Variants in MFNG observed in about 807,000 individuals in gnomAD.
The protein encoded by MFNG is beta-1,3-N-acetylglucosaminyltransferase manic fringe.
In MFNG, 24 loss-of-function variants were observed where a neutral mutation model predicts 34.2. The ratio of observed to expected loss-of-function variants is 0.70; its 90% CI spans 0.51 to 0.99. The LOEUF is 0.99. MFNG is among the 50% of genes least tolerant of loss of function. MFNG has a pLI of 0.00. For missense variants in MFNG, 383 were observed against 424.0 expected (o/e 0.90, Z 0.85); for synonymous variants, 158 against 179.2 (o/e 0.88, Z 0.94).
chr22:37,473,879 C>A (rs979816736), intron 6 of MFNG, among the ~76,000 whole-genome samples: 1 of 152,212 alleles, frequency 6.6e-6, no homozygotes, highest in African/African-American at 2.4e-5. Context: ...GGCAGGAGAT[C>A]CCGGGGACGC....
chr22:37,479,590 TG>T (rs1922199149), intron 3 of MFNG, 92 bp from the exon 4 acceptor site: 1 of 1,515,624 alleles, frequency 6.6e-7, no homozygotes. Flanking sequence ...AGTGACGGAA[TG>T]GGGGTAGGGG....
chr22:37,475,964 G>A (rs1165789689), intron 5 of MFNG, among the ~76,000 whole-genome samples: 1 of 152,194 alleles, frequency 6.6e-6, no homozygotes, highest in Non-Finnish European at 1.5e-5. Flanking sequence ...GCAGGCTTGG[G>A]TAGTAGCAAG....
intron 1 of MFNG, among the ~76,000 whole-genome samples, chr22:37,484,997 G>A (rs1922476924): frequency 6.6e-6 from 1 of 151,170 alleles, no homozygotes; most frequent in Non-Finnish European, 1.5e-5. Context: ...GTGTGTGTGT[G>A]TACCCATTCT....
chr22:37,485,614 AGCG>A lies in MFNG; in HGVS notation c.255+306_255+308del, dbSNP rs1257425826. 6.6e-6 allele frequency among the ~76,000 whole-genome samples: 1 copy of A among 152,060 alleles called. No homozygotes were observed. The highest frequency in any genetic ancestry group is 2.4e-5 in the African/African-American group (1 of 41,400). On this transcript the variant is annotated intron_variant, in intron 1 of 7. Coordinates refer to ENST00000356998, the MANE Select transcript of MFNG (RefSeq NM_002405.4). The surrounding 1 kb of genome is among the most constrained non-coding windows in gnomAD (Gnocchi z 5.3). Reference sequence around the variant, plus strand: ...TGGCTAGGAGCGAAGCCCCCACGGGAGCGGCTAGGAATAGAAGAACCCCCAGGA... The same window carrying A: ...TGGCTAGGAGCGAAGCCCCCACGGGAGCTAGGAATAGAAGAACCCCCAGGA...
chr22:37,481,670 C>A (rs562093909), intron 1 of MFNG, among the ~76,000 whole-genome samples: 1 of 152,338 alleles, frequency 6.6e-6, no homozygotes, highest in Admixed American at 6.5e-5. Flanking sequence ...GTCCTCTCAC[C>A]CATTGAGCAT....
At chr22:37,475,666 G>C (rs1922004440) in intron 5 of MFNG, among the ~76,000 whole-genome samples, 1 of 152,026 alleles carries the variant, frequency 6.6e-6, no homozygotes, top group Non-Finnish European at 1.5e-5. Context: ...TGGAAATCCA[G>C]CCTGTACTCC....
chr22:37,482,755 G>A lies in MFNG; in HGVS notation c.256-1986C>T, dbSNP rs981770924. On this transcript the variant is annotated intron_variant, in intron 1 of 7. Coordinates refer to ENST00000356998, the MANE Select transcript of MFNG (RefSeq NM_002405.4). This position sits in a 1 kb window ranked among gnomAD's most constrained non-coding sequence, Gnocchi z 4.1. ...TGGGTCCAATTTGTCTCCTTGCTCC[G>A]GCACCTGGCTCTCCTCAGGAAGGCC... Among the ~76,000 whole-genome samples the A allele has an allele frequency of 1.7e-4, 26 of 152,088 alleles. 1 individual carries two copies. The highest frequency in any genetic ancestry group is 6.8e-3 in the Middle Eastern group (2 of 294).
At chr22:37,480,172 T>G (rs1171303915) in intron 3 of MFNG, 25 bp downstream of exon 3, 2 of 1,577,160 alleles carry the variant, frequency 1.3e-6, no homozygotes, top group East Asian at 4.5e-5. Context: ...ACCACACTTA[T>G]CCCCAGAGAC....
chr22:37,474,794 T>C, intron 5 of MFNG, 117 bp from the exon 6 acceptor site: 1 of 1,134,270 alleles, frequency 8.8e-7, no homozygotes, highest in Non-Finnish European at 1.2e-6. Context: ...ACCTGCCTCC[T>C]GCATACTGTA....
At position 37,480,296 on chromosome 22, in the gene MFNG, G is replaced by A; in HGVS notation, c.308C>T (p.Ser103Phe). 1 of 1,613,380 alleles carries A rather than the reference G, an allele frequency of 6.2e-7. No individual in the cohort carries two copies. Among genetic ancestry groups the A allele is most frequent in the Non-Finnish European group, 8.5e-7 (1 of 1,179,380 alleles). Residue 103 changes from serine (S) to phenylalanine (F), a missense_variant, in exon 3 of 8, where the codon TCC becomes TTC. Transcript: ENST00000356998. ...GGAGCAGTTGGTGACCACAAGGTGGGACCCTGGAGAAGTGAGGAGGAGTCA... is the reference window on the plus strand; with the variant it reads ...GGAGCAGTTGGTGACCACAAGGTGGAACCCTGGAGAAGTGAGGAGGAGTCA... ...PDKGLQERLG[S>F]HLVVTNCSAE...
At chr22:37,479,320 GC>G (rs761372432) in intron 4 of MFNG, 24 bp downstream of exon 4, 8 of 1,542,022 alleles carry the variant, frequency 5.2e-6, no homozygotes, top group Non-Finnish European at 7.0e-6. Context: ...GGGCCAAGGG[GC>G]AAAGGAGGAG....
chr22:37,477,741 C>T (rs1313725472), intron 4 of MFNG, among the ~76,000 whole-genome samples: 3 of 152,312 alleles, frequency 2.0e-5, no homozygotes, highest in Non-Finnish European at 4.4e-5. Context: ...TGAGCCACCG[C>T]GCCCGGCCTC....
rs1029673354 is a variant in MFNG, at chr22:37,486,236, G to A, written c.-59C>T. ...CCAAATCCCAACCAGACAGGGAGGG[G>A]AAGCTGGTCAGGCAGGGGCTCCAGC... On this transcript the variant is annotated 5_prime_UTR_variant, in exon 1 of 8. Transcript: ENST00000356998. The A allele has an allele frequency of 2.7e-6, 4 of 1,454,794 alleles. No homozygotes were observed. The highest frequency in any genetic ancestry group is 2.5e-5 in the Admixed American group (1 of 39,462). 90.1% of individuals were successfully genotyped at this position (1,454,794 alleles called of 1,614,324 possible).
rs544413999 is a variant in MFNG at position 37,485,413 on chromosome 22, G to A, written c.255+510C>T. Among the ~76,000 whole-genome samples the A allele has an allele frequency of 2.6e-5, 4 of 152,342 alleles. No individual in the cohort carries two copies. The highest frequency in any genetic ancestry group is 7.2e-5 in the African/African-American group (3 of 41,592). On this transcript the variant is annotated intron_variant, in intron 1 of 7. Coordinates refer to ENST00000356998, the MANE Select transcript of MFNG (RefSeq NM_002405.4). This position sits in a 1 kb window ranked among gnomAD's most constrained non-coding sequence, Gnocchi z 5.3. ...AAGGCCGAAGGGATGCCTCCCCCAA[G>A]AACAGACCCCACCATTCTCCTCCCG...
intron 1 of MFNG, 186 bp from the exon 2 acceptor site, chr22:37,480,955 A>G: frequency 1.6e-6 from 1 of 616,478 alleles, no homozygotes; most frequent in East Asian, 2.8e-5. Context: ...TTGTAGACAC[A>G]CAACTTCAGG....
chr22:37,469,905 T>C lies in MFNG; in HGVS notation c.*58A>G, dbSNP rs752908199. 7.1e-6 allele frequency: 10 copies of C among 1,404,194 alleles called. No homozygotes were observed. In the African/African-American group the frequency reaches 8.6e-5, roughly 12 times the overall value. 87.0% of individuals were successfully genotyped at this position (1,404,194 alleles called of 1,614,324 possible). On this transcript the variant is annotated 3_prime_UTR_variant, in exon 8 of 8. Coordinates refer to ENST00000356998, the MANE Select transcript of MFNG (RefSeq NM_002405.4). ...CTTGCCAGGGACCCACAGTGCCACC[T>C]TGGGAGCCAAGGCACACCCAGAAGT...
intron 6 of MFNG, 106 bp from the exon 7 acceptor site, chr22:37,472,634 T>C (rs1369382047): frequency 4.4e-6 from 5 of 1,128,086 alleles, no homozygotes; most frequent in South Asian, 2.9e-5. Context: ...CAGGGAAAGC[T>C]GCCCGGGAAC....
At position 37,483,824 on chromosome 22, in the gene MFNG, C is replaced by G. The variant is rs947776805; in HGVS notation, c.255+2099G>C. On this transcript the variant is annotated intron_variant, in intron 1 of 7. Transcript: ENST00000356998. This position sits in a 1 kb window ranked among gnomAD's most constrained non-coding sequence, Gnocchi z 4.5. ...GCCATGAACAGAGTGAGGGAGAGAG[C>G]CGGGAAGGGGAGTCCAGGTCCAGAG... Among the ~76,000 whole-genome samples the G allele has an allele frequency of 7.2e-5, 11 of 151,982 alleles. No homozygotes were observed. Among genetic ancestry groups the G allele is most frequent in the Non-Finnish European group, 4.4e-5 (3 of 67,992 alleles).
intron 1 of MFNG, chr22:37,484,239 T>C: frequency 6.6e-6 from 1 of 150,966 alleles, no homozygotes; most frequent in Non-Finnish European, 1.5e-5. Context: ...AAGGCCCACC[T>C]GCCACCCGAC....
Sources: gnomAD v4.1 joint callset for allele counts (sites outside exome capture counted in the v4.1 genomes callset) on GRCh38, gnomAD v4.1.1 for gene constraint, Gnocchi (gnomAD v3.1) non-coding constraint, MANE v1.5 for transcripts, NCBI Gene and HGNC (gene_info 2026-07-23, HGNC 2026-07-21) for gene names.